LRP1B: variants seen among roughly 807,000 people sequenced by gnomAD.
The protein encoded by LRP1B is LDL receptor related protein 1B.
In LRP1B, 217 loss-of-function variants were observed where a neutral mutation model predicts 556.6. The observed-to-expected ratio is 0.39, with a 90% CI of 0.35 to 0.44. The LOEUF is 0.44. Among genes scored for constraint, LRP1B ranks in the 20% least tolerant of loss-of-function variants. The pLI is 1.00. For synonymous variants in LRP1B, 2,047 were observed against 1,865.8 expected (o/e 1.10, Z -2.50); for missense variants, 5,053 against 5,620.8 (o/e 0.90, Z 3.23).
intron 1 of LRP1B, among the ~76,000 whole-genome samples, chr2:141,935,886 A>G (rs1700622427): frequency 6.6e-6 from 1 of 152,308 alleles, no homozygotes; most frequent in African/African-American, 2.4e-5. Context: ...CCAGGTGTTC[A>G]AGGCCAGCCA....
intron 3 of LRP1B, among the ~76,000 whole-genome samples, chr2:141,394,051 C>T (rs1690152903): frequency 6.6e-6 from 1 of 152,080 alleles, no homozygotes; most frequent in African/African-American, 2.4e-5. Context: ...GTTGGGTATA[C>T]TATGTCCCTG....
intron 2 of LRP1B, among the ~76,000 whole-genome samples, chr2:141,764,825 C>G (rs1260909648): frequency 6.6e-6 from 1 of 152,104 alleles, no homozygotes; most frequent in Non-Finnish European, 1.5e-5. Flanking sequence ...AGTGTGCATA[C>G]TTATAACGCA....
At chr2:141,399,575 T>G (rs1690370737) in intron 3 of LRP1B, among the ~76,000 whole-genome samples, 1 of 152,140 alleles carries the variant, frequency 6.6e-6, no homozygotes, top group Admixed American at 6.5e-5. Flanking sequence ...TTAACAGAAC[T>G]AATATAACTA....
intron 66 of LRP1B, among the ~76,000 whole-genome samples, chr2:140,412,827 G>A (rs1685022986): frequency 6.6e-6 from 1 of 151,880 alleles, no homozygotes. Flanking sequence ...ATTCACATAA[G>A]TATACTGAAG....
At chr2:141,379,221 T>C (rs568119680) in intron 3 of LRP1B, among the ~76,000 whole-genome samples, 32 of 152,222 alleles carry the variant, frequency 2.1e-4, no homozygotes, top group Admixed American at 1.8e-3. Flanking sequence ...TATTTTAAAG[T>C]GCTAAAATTT....
In LRP1B at chr2:141,062,198, C is replaced by T. The variant is rs2105468634; in HGVS notation, c.1089G>A (p.Arg363=). The change falls in exon 8 of 91, where the codon AGG becomes AGA. Residue 363 remains arginine, a synonymous_variant. Coordinates refer to ENST00000389484, the MANE Select transcript of LRP1B (RefSeq NM_018557.3). Reference sequence around the variant, plus strand: ...GCTGCTCTGTCTTTGAATCAATTATCCTTGTTCGGTTCATCCCATCCATGT... The same window carrying T: ...GCTGCTCTGTCTTTGAATCAATTATTCTTGTTCGGTTCATCCCATCCATGT... ...RCDMDGMNRT[R]IIDSKTEQPA... 6.2e-7 allele frequency: 1 copy of T among 1,611,852 alleles called. No individual in the cohort carries two copies.
chr2:141,938,758 ATG>A (rs70994468), intron 1 of LRP1B, among the ~76,000 whole-genome samples: 129,979 of 151,518 alleles, frequency 0.86, 55,920 homozygotes, highest in East Asian at 1. Context: ...CTCTCCATAT[ATG>A]TGTGTGTGTG....
chr2:140,766,680 T>A (rs1414081027), intron 35 of LRP1B, among the ~76,000 whole-genome samples: 1 of 151,118 alleles, frequency 6.6e-6, no homozygotes, highest in African/African-American at 2.4e-5. Context: ...TTAACCTGTG[T>A]TTATTGCCCC....
intron 6 of LRP1B, among the ~76,000 whole-genome samples, chr2:141,227,280 C>A (rs1016046132): frequency 6.6e-6 from 1 of 152,080 alleles, no homozygotes; most frequent in Admixed American, 6.6e-5. Flanking sequence ...AATTCTACTG[C>A]GCAACTTAGT....
chr2:141,620,269 T>G (rs892416872), intron 2 of LRP1B, among the ~76,000 whole-genome samples: 1 of 152,242 alleles, frequency 6.6e-6, no homozygotes, highest in Non-Finnish European at 1.5e-5. Flanking sequence ...GTCAGTATAC[T>G]TTGTATATTC....
intron 3 of LRP1B, among the ~76,000 whole-genome samples, chr2:141,271,538 C>T (rs1292871808): frequency 6.6e-6 from 1 of 151,546 alleles, no homozygotes; most frequent in Admixed American, 6.6e-5. Flanking sequence ...TAACAGCAGA[C>T]TCGTTATTGG....
chr2:140,283,317 A>G (rs1249650840), intron 84 of LRP1B, among the ~76,000 whole-genome samples: 4 of 151,806 alleles, frequency 2.6e-5, no homozygotes, highest in African/African-American at 9.7e-5. Context: ...AGTGCTAAAT[A>G]TACCTTCCAA....
intron 7 of LRP1B, among the ~76,000 whole-genome samples, chr2:141,111,057 T>C (rs952459612): frequency 2.0e-5 from 3 of 152,104 alleles, no homozygotes; most frequent in African/African-American, 7.2e-5. Flanking sequence ...AGTCACCCCA[T>C]GAAATAAGCT....
chr2:141,618,517 C>A (rs1198124040), intron 2 of LRP1B, among the ~76,000 whole-genome samples: 1 of 152,130 alleles, frequency 6.6e-6, no homozygotes, highest in Non-Finnish European at 1.5e-5. Context: ...TATAAATAAG[C>A]ATTACTTTGA....
At position 140,334,441 on chromosome 2, in the gene LRP1B, C is replaced by A. The variant is rs2105083030; in HGVS notation, c.12223+12G>T. On this transcript the variant is annotated intron_variant, in intron 79 of 90. Coordinates refer to ENST00000389484, the MANE Select transcript of LRP1B (RefSeq NM_018557.3). ...TTCTGCTTCATATTTTAGCGTGTGTCAGAAATCATACCTGTGGGTCTCTGT... is the reference window on the plus strand; with the variant it reads ...TTCTGCTTCATATTTTAGCGTGTGTAAGAAATCATACCTGTGGGTCTCTGT... The A allele has an allele frequency of 6.6e-7, 1 of 1,520,954 alleles. No individual in the cohort carries two copies. Among genetic ancestry groups the A allele is most frequent in the Non-Finnish European group, 9.1e-7 (1 of 1,096,094 alleles). The allele number at this position is 1,520,954 out of a possible 1,614,324, so 94.2% of individuals were successfully genotyped here.
chr2:141,774,952 A>G (rs917328456), intron 2 of LRP1B, among the ~76,000 whole-genome samples: 3 of 152,158 alleles, frequency 2.0e-5, no homozygotes, highest in African/African-American at 7.2e-5. Context: ...TTCTTTTCCA[A>G]TTCTTTATCT....
rs566157062 is a variant in LRP1B, at chr2:141,241,833, C to T, written c.592+5393G>A. ...GCTGGTGACTAGGCTCACTCCTAGC[C>T]AATAGGTCTCACGCACTATCATGTC... is the stretch of plus-strand genomic sequence containing the variant. On this transcript the variant is annotated intron_variant, in intron 5 of 90. Coordinates refer to ENST00000389484, the MANE Select transcript of LRP1B (RefSeq NM_018557.3). Among the ~76,000 whole-genome samples, 50 of 151,614 alleles carry T rather than the reference C, an allele frequency of 3.3e-4. 1 individual carries two copies. The highest frequency in any genetic ancestry group is 2.9e-3 in the Admixed American group (44 of 15,130).
chr2:140,992,254 A>C (rs1399443408), intron 16 of LRP1B, among the ~76,000 whole-genome samples: 1 of 152,102 alleles, frequency 6.6e-6, no homozygotes, highest in Admixed American at 6.6e-5. Context: ...AAAACACAAA[A>C]AAACCATGGC....
At chr2:140,858,316 C>T (rs1254417967) in intron 27 of LRP1B, among the ~76,000 whole-genome samples, 1 of 151,652 alleles carries the variant, frequency 6.6e-6, no homozygotes, top group African/African-American at 2.4e-5. Context: ...TGTTAGATCA[C>T]ATAAATCTCA....
Sources: allele counts gnomAD v4.1 joint callset (sites outside exome capture counted in the v4.1 genomes callset), GRCh38; gene constraint gnomAD v4.1.1; transcripts MANE v1.5; gene names NCBI Gene and HGNC (gene_info 2026-07-23, HGNC 2026-07-21).